Variants in DAB2IP observed in about 807,000 individuals in gnomAD.
The protein encoded by DAB2IP is disabled homolog 2-interacting protein.
A neutral mutation model predicts 107.2 loss-of-function variants in DAB2IP; 28 were observed. The ratio of observed to expected loss-of-function variants is 0.26; its 90% CI spans 0.19 to 0.36. DAB2IP has a LOEUF of 0.36. DAB2IP is among the 10% of genes least tolerant of loss of function. The probability of loss-of-function intolerance (pLI) is 1.00; values close to 1 mark genes in which losing one functional copy is unlikely to be tolerated. For synonymous variants in DAB2IP, 755 were observed against 706.4 expected, an observed-to-expected ratio of 1.07 and a Z score of -1.09; for missense variants, 1,400 against 1,644.7, an observed-to-expected ratio of 0.85 and a Z score of 2.57.
rs554555278 is a variant in DAB2IP, at chr9:121,666,255, C to T, written c.125-12423C>T. Among the ~76,000 whole-genome samples the T allele has an allele frequency of 5.3e-5, 8 of 152,280 alleles. No individual in the cohort carries two copies. The South Asian group carries it at 1.7e-3, about 32-fold the overall frequency. On this transcript the variant is annotated intron_variant, in intron 1 of 15. Transcript: ENST00000408936. ...AAGACCCTTGTGATTATTTTAGGCC[C>T]ACCCAGGTAATCCAAGATAATCTCC...
At position 121,763,573 on chromosome 9, in the gene DAB2IP, G is replaced by A. The variant is rs146911285; in HGVS notation, c.1239G>A (p.Arg413=). The change falls in exon 7 of 16, where the codon CGG becomes CGA. Residue 413 remains arginine, a synonymous_variant. Coordinates refer to ENST00000408936, the Ensembl canonical transcript of DAB2IP. The stretch of plus-strand genomic sequence containing the variant: ...GGGACAACGAGCACCTCATCTTCCG[G>A]GAGAACACACTGGCCACCAAGGCCA... 1.2e-5 allele frequency: 20 copies of A among 1,613,794 alleles called. No homozygotes were observed. In the African/African-American group the frequency reaches 2.5e-4, roughly 20 times the overall value.
chr9:121,777,644 C>G (rs1166997395), intron 14 of DAB2IP, among the ~76,000 whole-genome samples: 3 of 152,218 alleles, frequency 2.0e-5, no homozygotes, highest in African/African-American at 7.2e-5. Context: ...TTCAAGTATT[C>G]CATATCCTTA....
intron 1 of DAB2IP, among the ~76,000 whole-genome samples, chr9:121,636,949 G>C (rs569864852): frequency 6.6e-6 from 1 of 152,308 alleles, no homozygotes; most frequent in East Asian, 1.9e-4. Context: ...TCACAGAGCT[G>C]AGAACCCCCA....
intron 3 of DAB2IP, among the ~76,000 whole-genome samples, chr9:121,700,141 G>T (rs571697582): frequency 1.3e-5 from 2 of 152,234 alleles, no homozygotes; most frequent in African/African-American, 4.8e-5. Context: ...ACTCTCAGGG[G>T]TGTCTCCTGC....
At chr9:121,723,762 CA>C (rs1158066399) in intron 3 of DAB2IP, among the ~76,000 whole-genome samples, 3 of 152,198 alleles carry the variant, frequency 2.0e-5, no homozygotes, top group South Asian at 2.1e-4. Flanking sequence ...GGATTGGGCC[CA>C]GGGGGTAGGG....
rs184982158 is a variant in DAB2IP at position 121,695,872 on chromosome 9, T to C, written c.229-3453T>C. On this transcript the variant is annotated intron_variant, in intron 2 of 15. Coordinates refer to ENST00000408936, the Ensembl canonical transcript of DAB2IP. ...TTTATCAGTTTTTCGTTTTTGTTTT[T>C]GTTTTTTGTTTTTTTGAGATGGAAT... Among the ~76,000 whole-genome samples the C allele has an allele frequency of 1.3e-4, 20 of 152,314 alleles. No homozygotes were observed. In the East Asian group the frequency reaches 3.1e-3, roughly 23 times the overall value.
Position 121,699,503 on chromosome 9 carries a change from G to T in DAB2IP, c.362+45G>T. On this transcript the variant is annotated intron_variant, in intron 3 of 15. Coordinates refer to ENST00000408936, the Ensembl canonical transcript of DAB2IP. This position sits in a 1 kb window ranked among gnomAD's most constrained non-coding sequence, Gnocchi z 6.2. ...CCGGTCCCCCGCGCCGCCGCCCCGG[G>T]CTGCGCCCCTGAGGACGCGGGGACA... The T allele has an allele frequency of 8.1e-7, 1 of 1,232,290 alleles. No individual in the cohort carries two copies. 76.3% of individuals were successfully genotyped at this position (1,232,290 alleles called of 1,614,324 possible).
chr9:121,710,323 A>T (rs1830279516), intron 3 of DAB2IP, among the ~76,000 whole-genome samples: 1 of 152,096 alleles, frequency 6.6e-6, no homozygotes, highest in African/African-American at 2.4e-5. Flanking sequence ...TCCCAAGGGC[A>T]CCCGGGGCTC....
intron 1 of DAB2IP, among the ~76,000 whole-genome samples, chr9:121,676,708 T>C (rs1833927695): frequency 1.3e-5 from 2 of 151,642 alleles, no homozygotes; most frequent in Admixed American, 1.3e-4. Context: ...GACTCAGGTC[T>C]AGTTATTGCT....
chr9:121,645,985 T>C (rs1832522732), intron 1 of DAB2IP, among the ~76,000 whole-genome samples: 1 of 152,132 alleles, frequency 6.6e-6, no homozygotes, highest in Non-Finnish European at 1.5e-5. Flanking sequence ...TATCACACGG[T>C]GACCCCCTCT....
At chr9:121,673,988 C>T (rs187686612) in intron 1 of DAB2IP, among the ~76,000 whole-genome samples, 3 of 152,304 alleles carry the variant, frequency 2.0e-5, no homozygotes, top group East Asian at 1.9e-4. Context: ...ATTAGAGGAG[C>T]GTTTAATAGA....
chr9:121,717,785 C>G (rs948531707), intron 3 of DAB2IP, among the ~76,000 whole-genome samples: 3 of 152,204 alleles, frequency 2.0e-5, no homozygotes, highest in East Asian at 1.9e-4. Flanking sequence ...TTCCCCTCCC[C>G]CTCCAGTCCT....
At chr9:121,641,517 A>G (rs1832284856) in intron 1 of DAB2IP, among the ~76,000 whole-genome samples, 1 of 152,178 alleles carries the variant, frequency 6.6e-6, no homozygotes, top group African/African-American at 2.4e-5. Flanking sequence ...CCCATTTTGT[A>G]GGAGGGGAGG....
chr9:121,773,496 G>A lies in DAB2IP; in HGVS notation c.2967+1G>A, dbSNP rs1160679202. The A allele has an allele frequency of 2.0e-6, 3 of 1,500,282 alleles. No homozygotes were observed. The highest frequency in any genetic ancestry group is 2.7e-6 in the Non-Finnish European group (3 of 1,125,600). The allele number at this position is 1,500,282 out of a possible 1,614,324, so 92.9% of individuals were successfully genotyped here. On this transcript the variant is annotated splice_donor_variant, in intron 12 of 15. Transcript: ENST00000408936. LOFTEE classifies it high-confidence loss of function. ...GAAGCCACGGGCAGTGCACAAGCAG[G>A]TCAGTGCTGCTAGTCAGAGGGCAGG...
chr9:121,695,570 C>T (rs1829378565), intron 2 of DAB2IP, among the ~76,000 whole-genome samples: 2 of 152,248 alleles, frequency 1.3e-5, no homozygotes, highest in East Asian at 1.9e-4. Context: ...CTAGAGCTGC[C>T]CAGTGGGAAT....
chr9:121,617,003 G>A (rs1170417515), intron 1 of DAB2IP, among the ~76,000 whole-genome samples: 1 of 152,156 alleles, frequency 6.6e-6, no homozygotes, highest in African/African-American at 2.4e-5. Context: ...TGAGGGGCCT[G>A]GGTGACTGGA....
Position 121,753,094 on chromosome 9 carries a change from A to G in DAB2IP, c.363-3919A>G, listed in dbSNP as rs190823071. On this transcript the variant is annotated intron_variant, in intron 3 of 15. Coordinates refer to ENST00000408936, the Ensembl canonical transcript of DAB2IP. ...TGGTGGTTCATGTGACGCATGGCCC[A>G]AGGTAAGCCCGGCCTGGGGACGCCA... 4 of 152,412 alleles carry G rather than the reference A, an allele frequency of 2.6e-5. No homozygotes were observed. In the East Asian group the frequency reaches 7.7e-4, roughly 29 times the overall value. 9.4% of individuals were successfully genotyped at this position (152,412 alleles called of 1,614,324 possible). A position where few individuals can be genotyped will look rare whatever the true frequency, so the allele number is the denominator to read the frequency against.
At chr9:121,711,920 A>T (rs950533172) in intron 3 of DAB2IP, among the ~76,000 whole-genome samples, 11 of 152,144 alleles carry the variant, frequency 7.2e-5, no homozygotes, top group Non-Finnish European at 1.2e-4. Flanking sequence ...GGGCCTCCCC[A>T]TCCCCCTCTA....
exon 12 of DAB2IP, chr9:121,773,075 A>C (rs1253017412): frequency 6.2e-7 from 1 of 1,612,526 alleles, no homozygotes; most frequent in Admixed American, 1.7e-5. Context: ...TTGGCGACTC[A>C]GGCTCTGAGG....
Sources: allele counts gnomAD v4.1 joint callset (sites outside exome capture counted in the v4.1 genomes callset), GRCh38; gene constraint gnomAD v4.1.1; non-coding constraint Gnocchi (gnomAD v3.1); transcripts MANE v1.5; gene names NCBI Gene and HGNC (gene_info 2026-07-23, HGNC 2026-07-21).